Variants in STS observed in about 807,000 individuals in gnomAD.
The protein encoded by STS is steroid sulfatase.
STS carries 7 observed loss-of-function variants against 26.8 expected under a neutral mutation model. That is an observed-to-expected ratio of 0.26 (90% CI 0.15 to 0.49). The LOEUF (loss-of-function observed/expected upper bound fraction) is 0.49. Among genes scored for constraint, STS ranks in the 20% least tolerant of loss-of-function variants. The pLI, the probability that STS is intolerant of heterozygous loss-of-function variation, is 0.98. For missense variants in STS, 434 were observed against 465.6 expected (o/e 0.93, Z 0.63); for synonymous variants, 199 against 189.4 (o/e 1.05, Z -0.42).
At chrX:7,152,308 T>TTTTTA (rs1275236197) in intron 1 of STS, among the ~76,000 whole-genome samples, 1 of 111,800 alleles carries the variant, frequency 8.9e-6, no homozygotes, top group African/African-American at 3.3e-5. Flanking sequence ...CCAAGATTTA[T>TTTTTA]TTTTATTTTA....
intron 2 of STS, among the ~76,000 whole-genome samples, chrX:7,247,757 A>G (rs967558190): frequency 1.3e-4 from 15 of 111,851 alleles, no homozygotes; most frequent in African/African-American, 4.9e-4. Context: ...TGCTACTGGC[A>G]TGTAGTGGGT....
At chrX:7,232,843 G>T (rs775646654) in intron 2 of STS, among the ~76,000 whole-genome samples, 5 of 111,615 alleles carry the variant, frequency 4.5e-5, no homozygotes, top group Non-Finnish European at 9.4e-5. Flanking sequence ...GGATCATGGG[G>T]GTGGTCCCCC....
Position 7,350,438 on chromosome X carries a change from G to A in STS, c.*177G>A. 3 of 623,606 alleles carry A rather than the reference G, an allele frequency of 4.8e-6. No homozygotes were observed. Among genetic ancestry groups the A allele is most frequent in the Non-Finnish European group, 7.4e-6 (3 of 407,560 alleles). 51.4% of individuals were successfully genotyped at this position (623,606 alleles called of 1,213,427 possible). A position where few individuals can be genotyped will look rare whatever the true frequency, so the allele number is the denominator to read the frequency against. Reference sequence around the variant, plus strand: ...TCAACAGCTACTCAACTGGAGGGGTGAGGGGGATAAGGTCTGTAGTATACA... The same window carrying A: ...TCAACAGCTACTCAACTGGAGGGGTAAGGGGGATAAGGTCTGTAGTATACA... On this transcript the variant is annotated 3_prime_UTR_variant, in exon 11 of 11. Coordinates refer to ENST00000674429, the MANE Select transcript of STS (RefSeq NM_001320752.2).
intron 5 of STS, 43 bp from the exon 6 acceptor site, chrX:7,259,306 G>T: frequency 8.8e-7 from 1 of 1,135,222 alleles, no homozygotes; most frequent in Non-Finnish European, 1.2e-6. Flanking sequence ...TTGGAATCAG[G>T]GTGTTTATTG....
At chrX:7,246,450 C>T (rs758879912) in intron 2 of STS, among the ~76,000 whole-genome samples, 5 of 90,218 alleles carry the variant, frequency 5.5e-5, no homozygotes, top group South Asian at 5.5e-4. Flanking sequence ...TACAGGTACC[C>T]GCCACCACAC....
chrX:7,266,786 A>G (rs1223141138), intron 6 of STS, among the ~76,000 whole-genome samples: 1 of 112,258 alleles, frequency 8.9e-6, no homozygotes, highest in Non-Finnish European at 1.9e-5. Context: ...CTTCATTGCA[A>G]TGCAAAACAG....
chrX:7,157,963 C>T (rs1392980310), intron 1 of STS, among the ~76,000 whole-genome samples: 2 of 112,105 alleles, frequency 1.8e-5, no homozygotes, highest in African/African-American at 6.5e-5. Context: ...TAACCAGGAA[C>T]CCTATGGATC....
intron 1 of STS, among the ~76,000 whole-genome samples, chrX:7,183,891 A>T (rs1456489037): frequency 1.8e-5 from 2 of 111,094 alleles, no homozygotes; most frequent in African/African-American, 6.6e-5. Flanking sequence ...AATCCCAGCT[A>T]CTCAGGAGGC....
At chrX:7,219,061 G>A (rs1349218770) in intron 2 of STS, among the ~76,000 whole-genome samples, 1 of 111,933 alleles carries the variant, frequency 8.9e-6, no homozygotes, top group Non-Finnish European at 1.9e-5. Flanking sequence ...CCTCAGCACA[G>A]GTGCAGCTTT....
At chrX:7,333,904 C>T in intron 9 of STS, 82 bp from the exon 10 acceptor site, 1 of 1,188,044 alleles carries the variant, frequency 8.4e-7, no homozygotes, top group Non-Finnish European at 1.1e-6. Context: ...ACTGGAGCTC[C>T]CTCATGCTCT....
At chrX:7,213,091 C>T (rs1040147537) in intron 2 of STS, among the ~76,000 whole-genome samples, 14 of 111,504 alleles carry the variant, frequency 1.3e-4, no homozygotes, top group African/African-American at 4.2e-4. Context: ...CAGGTGTGAG[C>T]CACCACCGCC....
intron 10 of STS, among the ~76,000 whole-genome samples, chrX:7,336,144 G>A (rs376400805): frequency 1.7e-4 from 19 of 111,252 alleles, no homozygotes; most frequent in African/African-American, 6.2e-4. Context: ...AGAGGTACCT[G>A]TTGAGGCTGG....
intron 2 of STS, among the ~76,000 whole-genome samples, chrX:7,205,838 G>C (rs1218471154): frequency 9.2e-6 from 1 of 108,600 alleles, no homozygotes; most frequent in Non-Finnish European, 1.9e-5. Flanking sequence ...CTGGTCTGGA[G>C]CTCCCAGGCT....
chrX:7,314,622 A>G (rs1319992328), intron 8 of STS, among the ~76,000 whole-genome samples: 1 of 113,239 alleles, frequency 8.8e-6, no homozygotes, highest in Non-Finnish European at 1.9e-5. Flanking sequence ...TTCAGTTGAC[A>G]AAATGTATGA....
chrX:7,294,166 A>G (rs1462913318), intron 7 of STS, among the ~76,000 whole-genome samples: 5 of 111,427 alleles, frequency 4.5e-5, no homozygotes, highest in Admixed American at 9.6e-5. Flanking sequence ...TGATGTTACC[A>G]TGTTTAAACA....
At chrX:7,168,921 A>G (rs1933406368) in intron 1 of STS, among the ~76,000 whole-genome samples, 1 of 111,581 alleles carries the variant, frequency 9.0e-6, no homozygotes, top group South Asian at 3.8e-4. Context: ...GTGATATCAG[A>G]AGGCTTTATG....
intron 1 of STS, among the ~76,000 whole-genome samples, chrX:7,150,973 A>G (rs1933001122): frequency 8.9e-6 from 1 of 112,455 alleles, no homozygotes; most frequent in African/African-American, 3.2e-5. Flanking sequence ...TGGGACAATA[A>G]CTTACTTTTC....
chrX:7,334,131 C>T (rs1277401354), intron 10 of STS, 24 bp downstream of exon 10: 1 of 1,209,268 alleles, frequency 8.3e-7, no homozygotes, highest in African/African-American at 1.7e-5. Flanking sequence ...CCTTTCCACG[C>T]TCCTCATGCT....
At chrX:7,307,017 C>T (rs1336180876) in intron 8 of STS, among the ~76,000 whole-genome samples, 2 of 111,141 alleles carry the variant, frequency 1.8e-5, no homozygotes, top group Non-Finnish European at 3.8e-5. Context: ...GCCCTATGAC[C>T]GGCTGAGCAC....
Sources: gnomAD v4.1 joint callset for allele counts (sites outside exome capture counted in the v4.1 genomes callset) on GRCh38, gnomAD v4.1.1 for gene constraint, MANE v1.5 for transcripts, NCBI Gene and HGNC (gene_info 2026-07-23, HGNC 2026-07-21) for gene names.